GPC5: variants seen among roughly 807,000 people sequenced by gnomAD.
GPC5 encodes glypican-5.
GPC5 carries 47 observed loss-of-function variants against 53.9 expected under a neutral mutation model. The ratio of observed to expected loss-of-function variants is 0.87; its 90% CI spans 0.69 to 1.11. The LOEUF (loss-of-function observed/expected upper bound fraction) is 1.11. GPC5 is among the 50% of genes most tolerant of loss of function. The pLI is 0.00. For synonymous variants in GPC5, 286 were observed against 263.3 expected, an observed-to-expected ratio of 1.09 and a Z score of -0.84; for missense variants, 748 against 713.1, an observed-to-expected ratio of 1.05 and a Z score of -0.56.
At chr13:91,637,586 A>C (rs1203358936) in intron 2 of GPC5, among the ~76,000 whole-genome samples, 3 of 152,190 alleles carry the variant, frequency 2.0e-5, no homozygotes, top group Admixed American at 6.5e-5. Flanking sequence ...CTATTACAGG[A>C]CTGAAAATAG....
chr13:92,475,688 G>A (rs1879090318), intron 7 of GPC5, among the ~76,000 whole-genome samples: 1 of 152,028 alleles, frequency 6.6e-6, no homozygotes, highest in South Asian at 2.1e-4. Context: ...CCAAAACAGA[G>A]ATATAGATCA....
chr13:91,586,533 T>G (rs1291032453), intron 2 of GPC5, among the ~76,000 whole-genome samples: 1 of 43,034 alleles, frequency 2.3e-5, no homozygotes, highest in African/African-American at 2.6e-4. Flanking sequence ...TATATATATA[T>G]ATATATATAT....
intron 7 of GPC5, among the ~76,000 whole-genome samples, chr13:92,402,229 C>T (rs933135408): frequency 2.0e-5 from 3 of 152,020 alleles, no homozygotes; most frequent in East Asian, 1.9e-4. Context: ...TGAGATCAAC[C>T]GTCACTTATT....
At chr13:92,125,989 T>C (rs890325261) in intron 6 of GPC5, among the ~76,000 whole-genome samples, 1 of 127,104 alleles carries the variant, frequency 7.9e-6, no homozygotes, top group Non-Finnish European at 1.6e-5. Flanking sequence ...GAGTCTCACT[T>C]TGTTGCCCCG....
chr13:92,110,496 C>T (rs866132157), intron 6 of GPC5, among the ~76,000 whole-genome samples: 2 of 151,330 alleles, frequency 1.3e-5, no homozygotes, highest in Admixed American at 6.6e-5. Context: ...TTCCTTTCCA[C>T]TAGAAATGCA....
At chr13:92,562,346 A>T (rs1882727396) in intron 7 of GPC5, among the ~76,000 whole-genome samples, 1 of 151,910 alleles carries the variant, frequency 6.6e-6, no homozygotes, top group Non-Finnish European at 1.5e-5. Context: ...CTTCCACCAT[A>T]TTCTCTCCAC....
intron 5 of GPC5, among the ~76,000 whole-genome samples, chr13:91,809,877 C>T (rs1368696960): frequency 6.6e-6 from 1 of 151,914 alleles, no homozygotes; most frequent in East Asian, 1.9e-4. Flanking sequence ...AAGAAGTGGA[C>T]ATTAGGAAAT....
At chr13:91,531,077 C>T (rs1886319472) in intron 2 of GPC5, among the ~76,000 whole-genome samples, 1 of 152,134 alleles carries the variant, frequency 6.6e-6, no homozygotes, top group African/African-American at 2.4e-5. Flanking sequence ...ATCTCTAGTT[C>T]TTCTGTGACT....
chr13:91,406,737 C>T (rs1877349646), intron 1 of GPC5, among the ~76,000 whole-genome samples: 1 of 152,200 alleles, frequency 6.6e-6, no homozygotes, highest in African/African-American at 2.4e-5. Context: ...TCATCTTCTC[C>T]TTCTGGGTGG....
At chr13:91,882,670 G>GTTTTTTTTTTTTTTTTTTTTTGTTTTT in intron 5 of GPC5, among the ~76,000 whole-genome samples, 1 of 59,322 alleles carries the variant, frequency 1.7e-5, no homozygotes, top group African/African-American at 7.1e-5. Flanking sequence ...TGTTTTTTGG[G>GTTTTTTTTTTTTTTTTTTTTTGTTTTT]TTTTTTTTTT....
At chr13:92,829,177 T>C in intron 7 of GPC5, among the ~76,000 whole-genome samples, 1 of 152,074 alleles carries the variant, frequency 6.6e-6, no homozygotes, top group East Asian at 1.9e-4. Context: ...TATGTCAAGA[T>C]CTATGTTCAG....
At chr13:91,579,190 C>T (rs2032253499) in intron 2 of GPC5, among the ~76,000 whole-genome samples, 1 of 152,170 alleles carries the variant, frequency 6.6e-6, no homozygotes, top group Admixed American at 6.5e-5. Flanking sequence ...TGGGATTCAA[C>T]CAGAGAGCCA....
Position 91,399,008 on chromosome 13 carries a change from G to A in GPC5, c.-39G>A. 1 of 1,535,770 alleles carries A rather than the reference G, an allele frequency of 6.5e-7. No individual in the cohort carries two copies. The highest frequency in any genetic ancestry group is 1.7e-4 in the Middle Eastern group (1 of 5,898). On this transcript the variant is annotated 5_prime_UTR_variant, in exon 1 of 8. Transcript: ENST00000377067. ...CTCAGCCAGGGCGCGCAGGGCGAGT[G>A]GGGTCCACTGGCGGGTAAAGGGGAC...
intron 2 of GPC5, among the ~76,000 whole-genome samples, chr13:91,528,337 T>C (rs765584662): frequency 4.6e-5 from 7 of 152,194 alleles, no homozygotes; most frequent in Non-Finnish European, 8.8e-5. Context: ...CTTTCTCAAG[T>C]TCAAAGTTTC....
chr13:91,975,993 C>A (rs9523465), intron 6 of GPC5, among the ~76,000 whole-genome samples: 61,217 of 151,940 alleles, frequency 0.4, 14,486 homozygotes, highest in East Asian at 0.75. Context: ...AAACTGGAAA[C>A]CATCATTCTC....
chr13:92,490,275 GTAT>G (rs1445567953), intron 7 of GPC5: 3 of 153,770 alleles, frequency 2.0e-5, no homozygotes, highest in African/African-American at 7.2e-5. Flanking sequence ...ACTTTTCATT[GTAT>G]TATTATATCT....
chr13:92,523,296 A>G (rs1168166128), intron 7 of GPC5, among the ~76,000 whole-genome samples: 1 of 152,044 alleles, frequency 6.6e-6, no homozygotes, highest in Non-Finnish European at 1.5e-5. Context: ...ATTTGCTGAC[A>G]TTTTCTGGGC....
intron 6 of GPC5, among the ~76,000 whole-genome samples, chr13:91,933,858 C>T (rs2039845217): frequency 1.3e-5 from 2 of 151,914 alleles, no homozygotes; most frequent in South Asian, 4.1e-4. Flanking sequence ...TTGCTGAATA[C>T]ATGTTAATTT....
intron 6 of GPC5, among the ~76,000 whole-genome samples, chr13:92,108,988 A>C (rs1344199734): frequency 6.6e-6 from 1 of 150,560 alleles, no homozygotes. Flanking sequence ...CCTCATAATC[A>C]CAGCTCTCAA....
Sources: allele counts gnomAD v4.1 joint callset (sites outside exome capture counted in the v4.1 genomes callset), GRCh38; gene constraint gnomAD v4.1.1; transcripts MANE v1.5; gene names NCBI Gene and HGNC (gene_info 2026-07-23, HGNC 2026-07-21).